MBNL2: variants seen among roughly 807,000 people sequenced by gnomAD.
MBNL2 encodes the protein muscleblind like splicing regulator 2, also known as muscleblind-like protein 2.
A neutral mutation model predicts 41.9 loss-of-function variants in MBNL2; 17 were observed. The observed-to-expected ratio is 0.41, with a 90% confidence interval of 0.28 to 0.61. The LOEUF is 0.61. MBNL2 is among the 20% of genes least tolerant of loss of function. The pLI, the probability that MBNL2 is intolerant of heterozygous loss-of-function variation, is 0.35. For missense variants in MBNL2, 336 were observed against 505.6 expected (o/e 0.66, Z 3.22); for synonymous variants, 195 against 182.9 (o/e 1.07, Z -0.53).
the MBNL2 span, among the ~76,000 whole-genome samples, chr13:97,177,021 A>G: frequency 1.3e-5 from 2 of 152,210 alleles, no homozygotes; most frequent in African/African-American, 2.4e-5. Flanking sequence ...CAAAAAATGT[A>G]TAGTTATCTT....
At chr13:97,320,290 C>G (rs1488635242) in intron 2 of MBNL2, among the ~76,000 whole-genome samples, 2 of 147,656 alleles carry the variant, frequency 1.4e-5, no homozygotes, top group Non-Finnish European at 3.0e-5. Context: ...GACAGTCTCT[C>G]ACTCTGTCAC....
the MBNL2 span, among the ~76,000 whole-genome samples, chr13:97,174,048 C>G: frequency 6.6e-6 from 1 of 152,122 alleles, no homozygotes; most frequent in Admixed American, 6.6e-5. Context: ...ATTTTTGTAC[C>G]TATAAAGCTT....
chr13:97,209,520 C>T, the MBNL2 span, among the ~76,000 whole-genome samples: 8 of 152,132 alleles, frequency 5.3e-5, no homozygotes, highest in African/African-American at 1.9e-4. Context: ...GGAGAGTGTG[C>T]AATTAATGCT....
In MBNL2 at chr13:97,310,421, T is replaced by TTTTTTTTTC. The variant is rs748273177; in HGVS notation, c.175-23837_175-23829dup. Among the ~76,000 whole-genome samples, 184 of 151,840 alleles carry TTTTTTTTTC rather than the reference T, an allele frequency of 1.2e-3. 1 individual carries two copies. Among genetic ancestry groups the TTTTTTTTTC allele is most frequent in the Non-Finnish European group, 6.5e-4 (44 of 67,968 alleles). On this transcript the variant is annotated intron_variant, in intron 2 of 8. Coordinates refer to ENST00000679496, the MANE Select transcript of MBNL2 (RefSeq NM_001382683.1). ...GAGATTTGTAGCCCTCCTATTTCTT[T>TTTTTTTTTC]TTTTTTTTCTTTTTTTTCTTTTTTT...
At chr13:97,182,054 A>AT in the MBNL2 span, among the ~76,000 whole-genome samples, 1 of 151,862 alleles carries the variant, frequency 6.6e-6, no homozygotes, top group Non-Finnish European at 1.5e-5. Context: ...TTTTTAATTT[A>AT]TTTTTTCTCC....
intron 2 of MBNL2, among the ~76,000 whole-genome samples, chr13:97,303,789 C>A (rs1434727531): frequency 1.3e-5 from 2 of 152,166 alleles, no homozygotes; most frequent in East Asian, 3.8e-4. Flanking sequence ...ATCTCTGAAC[C>A]TTAGAAGAAA....
upstream of MBNL2, among the ~76,000 whole-genome samples, chr13:97,221,822 C>T (rs919675147): frequency 1.3e-5 from 2 of 152,174 alleles, no homozygotes; most frequent in African/African-American, 2.4e-5. Flanking sequence ...ATTTTGAATA[C>T]GCACTTGGGC....
chr13:97,284,961 T>C (rs2054127194), intron 2 of MBNL2, among the ~76,000 whole-genome samples: 1 of 152,260 alleles, frequency 6.6e-6, no homozygotes, highest in Admixed American at 6.5e-5. Flanking sequence ...TGATGCTAAC[T>C]TTTGTTAGTC....
chr13:97,374,362 T>A (rs957413854), intron 8 of MBNL2, among the ~76,000 whole-genome samples: 2 of 150,616 alleles, frequency 1.3e-5, no homozygotes, highest in African/African-American at 4.9e-5. Context: ...TTAGCCAGGA[T>A]GGTCTCGATC....
intron 8 of MBNL2, among the ~76,000 whole-genome samples, chr13:97,375,760 C>T (rs969078680): frequency 2.6e-5 from 4 of 152,322 alleles, no homozygotes; most frequent in Non-Finnish European, 4.4e-5. Flanking sequence ...TCCTCGATAG[C>T]ATGTGTGGTT....
chr13:97,242,699 C>T (rs2044540767), intron 1 of MBNL2, among the ~76,000 whole-genome samples: 1 of 151,440 alleles, frequency 6.6e-6, no homozygotes, highest in Non-Finnish European at 1.5e-5. Context: ...GGGAGCCCCC[C>T]GGGGTTGGGG....
At chr13:97,144,423 C>CTTTTTTTTTTTTTTTTTTTT in the MBNL2 span, among the ~76,000 whole-genome samples, 2 of 118,106 alleles carry the variant, frequency 1.7e-5, no homozygotes, top group Non-Finnish European at 1.6e-5. Flanking sequence ...CATGATACTT[C>CTTTTTTTTTTTTTTTTTTTT]TTTTTTTTTT....
Position 97,380,275 on chromosome 13 carries a change from C to T in MBNL2, c.1049-11047C>T, listed in dbSNP as rs200136805. On this transcript the variant is annotated intron_variant, in intron 8 of 8. Transcript: ENST00000679496. ...TTGGGAGGCTGAGGTGGGCGGATCA[C>T]ATGAGATCAGGAATTTGAGACCAGC... Among the ~76,000 whole-genome samples the T allele has an allele frequency of 9.2e-5, 14 of 152,284 alleles. No individual in the cohort carries two copies. In the East Asian group the frequency reaches 2.5e-3, roughly 27 times the overall value.
At chr13:97,285,709 T>A (rs1423327329) in intron 2 of MBNL2, among the ~76,000 whole-genome samples, 1 of 151,806 alleles carries the variant, frequency 6.6e-6, no homozygotes, top group Non-Finnish European at 1.5e-5. Context: ...ACTGGGAATA[T>A]AACAGCATAC....
At chr13:97,358,255 A>G (rs2063143493) in intron 7 of MBNL2, among the ~76,000 whole-genome samples, 2 of 152,202 alleles carry the variant, frequency 1.3e-5, no homozygotes, top group Non-Finnish European at 2.9e-5. Flanking sequence ...AGAATCTTAG[A>G]GTTTAAAGGA....
intron 8 of MBNL2, among the ~76,000 whole-genome samples, chr13:97,379,867 C>T (rs912123643): frequency 5.3e-5 from 8 of 152,154 alleles, no homozygotes; most frequent in Non-Finnish European, 1.0e-4. Flanking sequence ...CTGAACTGTA[C>T]GCTTCAAAAT....
intron 2 of MBNL2, among the ~76,000 whole-genome samples, chr13:97,306,563 C>T (rs1417521469): frequency 1.3e-5 from 2 of 152,214 alleles, no homozygotes; most frequent in Non-Finnish European, 2.9e-5. Flanking sequence ...GATTTGTAGA[C>T]ATGATGGAGA....
At chr13:97,144,559 A>T in the MBNL2 span, among the ~76,000 whole-genome samples, 1 of 149,472 alleles carries the variant, frequency 6.7e-6, no homozygotes, top group Non-Finnish European at 1.5e-5. Context: ...CCTCCTGAGT[A>T]GCTGGGATTA....
the MBNL2 span, among the ~76,000 whole-genome samples, chr13:97,168,099 GAGATTA>G: frequency 8.0e-3 from 1,225 of 152,176 alleles, 11 homozygotes; most frequent in East Asian, 0.036. Context: ...CCAAGTAGCT[GAGATTA>G]CAGGCATGTG....
Sources: allele counts gnomAD v4.1 joint callset (sites outside exome capture counted in the v4.1 genomes callset), GRCh38; gene constraint gnomAD v4.1.1; transcripts MANE v1.5; gene names NCBI Gene and HGNC (gene_info 2026-07-23, HGNC 2026-07-21).